Variants in DACH1 observed in about 807,000 individuals in gnomAD.
The protein encoded by DACH1 is dachshund family transcription factor 1.
Under a neutral mutation model 54.2 loss-of-function variants are expected in DACH1, and 12 were observed. That is an observed-to-expected ratio of 0.22 (90% CI 0.14 to 0.36). The LOEUF (loss-of-function observed/expected upper bound fraction) is 0.36, where lower values mean the gene tolerates loss of function less well. Among genes scored for constraint, DACH1 ranks in the 10% least tolerant of loss-of-function variants. The probability of loss-of-function intolerance (pLI) is 1.00; values close to 1 mark genes in which losing one functional copy is unlikely to be tolerated. For missense variants in DACH1, 805 were observed against 929.8 expected, an observed-to-expected ratio of 0.87 and a Z score of 1.75; for synonymous variants, 386 against 366.2, an observed-to-expected ratio of 1.05 and a Z score of -0.62.
rs201180875 is a variant in DACH1, at chr13:71,501,807, T to A, written c.1571-12659A>T. Reference sequence around the variant, plus strand: ...ACTAGCACACAGAGAGTGCTTCCTATGTGTGCAAAGCAATGTTTTAAATGC... The same window carrying A: ...ACTAGCACACAGAGAGTGCTTCCTAAGTGTGCAAAGCAATGTTTTAAATGC... On this transcript the variant is annotated intron_variant, in intron 6 of 10. Transcript: ENST00000613252. Among the ~76,000 whole-genome samples, 27 of 152,322 alleles carry A rather than the reference T, an allele frequency of 1.8e-4. No individual in the cohort carries two copies. In the East Asian group the frequency reaches 4.8e-3, roughly 27 times the overall value.
intron 1 of DACH1, among the ~76,000 whole-genome samples, chr13:71,828,749 G>T (rs1461042267): frequency 6.6e-6 from 1 of 151,868 alleles, no homozygotes; most frequent in Non-Finnish European, 1.5e-5. Flanking sequence ...TTAGCCTGCT[G>T]GTTCCCATCT....
chr13:71,686,434 AAATC>A (rs1881167761), intron 1 of DACH1, among the ~76,000 whole-genome samples: 2 of 152,182 alleles, frequency 1.3e-5, no homozygotes, highest in South Asian at 2.1e-4. Context: ...TTATAACACT[AAATC>A]AATCTCATGC....
rs113196736 is a variant in DACH1 at position 71,501,657 on chromosome 13, A to C, written c.1571-12509T>G. 1.3e-4 allele frequency among the ~76,000 whole-genome samples: 20 copies of C among 152,104 alleles called. 1 individual carries two copies. Among genetic ancestry groups the C allele is most frequent in the African/African-American group, 4.3e-4 (18 of 41,432 alleles). ...TCTTCTAATTTTATGTATATTTGAA[A>C]TTTTCAATAATAAAAAGTTAATAGA... On this transcript the variant is annotated intron_variant, in intron 6 of 10. Transcript: ENST00000613252.
At chr13:71,788,067 T>C (rs186131465) in intron 1 of DACH1, among the ~76,000 whole-genome samples, 44 of 152,304 alleles carry the variant, frequency 2.9e-4, no homozygotes, top group Non-Finnish European at 5.7e-4. Flanking sequence ...AAACACACTA[T>C]GTGTGTATGT....
intron 1 of DACH1, among the ~76,000 whole-genome samples, chr13:71,842,784 A>C (rs113955891): frequency 1.4e-4 from 21 of 152,290 alleles, no homozygotes; most frequent in African/African-American, 5.1e-4. Context: ...AAAATACTAA[A>C]ATATTTCCCC....
chr13:71,748,898 C>CTT (rs1368876638), intron 1 of DACH1, among the ~76,000 whole-genome samples: 416 of 39,234 alleles, frequency 0.011, 3 homozygotes, highest in East Asian at 0.017. Flanking sequence ...TTCTTTCTTT[C>CTT]TCTTTCTTTC....
chr13:71,586,399 A>G (rs1306683192), intron 3 of DACH1, among the ~76,000 whole-genome samples: 3 of 152,194 alleles, frequency 2.0e-5, no homozygotes, highest in African/African-American at 7.2e-5. Context: ...TCTGGGGAAT[A>G]TGCTTTAATA....
intron 1 of DACH1, among the ~76,000 whole-genome samples, chr13:71,858,838 G>A (rs2224969): frequency 0.4 from 60,101 of 150,914 alleles, 14,461 homozygotes; most frequent in East Asian, 0.83. Flanking sequence ...CAACCTGTAC[G>A]GTACATTATT....
chr13:71,801,615 C>G (rs1215263361), intron 1 of DACH1, among the ~76,000 whole-genome samples: 1 of 152,070 alleles, frequency 6.6e-6, no homozygotes, highest in Non-Finnish European at 1.5e-5. Flanking sequence ...TTAATTGAAA[C>G]AAGGCAAATT....
chr13:71,767,241 A>G (rs1238636718), intron 1 of DACH1, among the ~76,000 whole-genome samples: 4 of 152,008 alleles, frequency 2.6e-5, no homozygotes, highest in Admixed American at 2.6e-4. Flanking sequence ...AATTTTTGAG[A>G]AAACACTTTA....
intron 6 of DACH1, among the ~76,000 whole-genome samples, chr13:71,530,756 C>T (rs1226981796): frequency 6.6e-6 from 1 of 152,214 alleles, no homozygotes; most frequent in African/African-American, 2.4e-5. Context: ...GAAACTAATA[C>T]TTTGACATCA....
intron 10 of DACH1, among the ~76,000 whole-genome samples, chr13:71,469,595 G>A (rs1257096605): frequency 2.0e-5 from 3 of 152,254 alleles, no homozygotes; most frequent in Admixed American, 1.3e-4. Flanking sequence ...CTTTTAACAA[G>A]TCATCCAACC....
intron 1 of DACH1, among the ~76,000 whole-genome samples, chr13:71,752,230 G>C (rs1884958113): frequency 6.6e-6 from 1 of 152,100 alleles, no homozygotes; most frequent in Admixed American, 6.6e-5. Context: ...TGCATGCTGT[G>C]AATGTGTATT....
chr13:71,731,679 C>A (rs957118257), intron 1 of DACH1, among the ~76,000 whole-genome samples: 1 of 152,090 alleles, frequency 6.6e-6, no homozygotes, highest in Non-Finnish European at 1.5e-5. Flanking sequence ...GACTAGACTC[C>A]GCTGTCAGAA....
At chr13:71,717,560 T>C (rs1444336198) in intron 1 of DACH1, among the ~76,000 whole-genome samples, 1 of 151,384 alleles carries the variant, frequency 6.6e-6, no homozygotes, top group African/African-American at 2.4e-5. Flanking sequence ...TCTATGCCTC[T>C]ATGCCCGCTT....
chr13:71,843,563 T>C (rs1052642856), intron 1 of DACH1, among the ~76,000 whole-genome samples: 1 of 152,102 alleles, frequency 6.6e-6, no homozygotes, highest in Non-Finnish European at 1.5e-5. Flanking sequence ...CTGTGCCCAA[T>C]CATGAATGTT....
chr13:71,691,825 C>T (rs927082868), intron 1 of DACH1, among the ~76,000 whole-genome samples: 2 of 152,096 alleles, frequency 1.3e-5, no homozygotes, highest in East Asian at 1.9e-4. Context: ...GGAAATACAT[C>T]GATACATAGA....
Position 71,556,884 on chromosome 13 carries a change from G to T in DACH1, c.1570+140C>A, listed in dbSNP as rs1051573776. 8.1e-6 allele frequency: 7 copies of T among 862,774 alleles called. No individual in the cohort carries two copies. The African/African-American group carries it at 1.1e-4, about 13-fold the overall frequency. 53.4% of individuals were successfully genotyped at this position (862,774 alleles called of 1,614,324 possible). ...TTTGTTGAATGAATAGGTTTAATTT[G>T]TACTTAATATTGTGGATTTTAAAAA... On this transcript the variant is annotated intron_variant, in intron 6 of 10. Coordinates refer to ENST00000613252, the MANE Select transcript of DACH1 (RefSeq NM_080759.6).
At chr13:71,773,347 A>G (rs1439059037) in intron 1 of DACH1, among the ~76,000 whole-genome samples, 1 of 151,930 alleles carries the variant, frequency 6.6e-6, no homozygotes, top group Admixed American at 6.6e-5. Context: ...CCTGAAGTGG[A>G]TAACAAATTT....
Sources: gnomAD v4.1 joint callset for allele counts (sites outside exome capture counted in the v4.1 genomes callset) on GRCh38, gnomAD v4.1.1 for gene constraint, MANE v1.5 for transcripts, NCBI Gene and HGNC (gene_info 2026-07-23, HGNC 2026-07-21) for gene names.